KLHL7: variants seen among roughly 807,000 people sequenced by gnomAD.
The protein encoded by KLHL7 is kelch-like protein 7.
Under a neutral mutation model 67.4 loss-of-function variants are expected in KLHL7, and 44 were observed. The ratio of observed to expected loss-of-function variants is 0.65; its 90% CI spans 0.51 to 0.84. The LOEUF (loss-of-function observed/expected upper bound fraction) is 0.84, where lower values mean the gene tolerates loss of function less well. Among genes scored for constraint, KLHL7 ranks in the 40% least tolerant of loss-of-function variants. The pLI is 0.00. For synonymous variants in KLHL7, 252 were observed against 243.3 expected (o/e 1.04, Z -0.33); for missense variants, 362 against 718.1 (o/e 0.50, Z 5.67).
chr7:23,125,821 G>C (rs1331414563), intron 4 of KLHL7: 1 of 1,550,070 alleles, frequency 6.5e-7, no homozygotes, highest in African/African-American at 1.4e-5. Flanking sequence ...ACTGTGTGAT[G>C]ATCCTTAGTG....
intron 2 of KLHL7, among the ~76,000 whole-genome samples, chr7:23,124,410 CT>C (rs1371669029): frequency 6.7e-6 from 1 of 148,968 alleles, no homozygotes; most frequent in Non-Finnish European, 1.5e-5. Context: ...ATTTTATGAG[CT>C]TGGGAAAAAA....
chr7:23,142,392 G>C (rs1191988522), intron 5 of KLHL7, among the ~76,000 whole-genome samples: 2 of 152,098 alleles, frequency 1.3e-5, no homozygotes, highest in Non-Finnish European at 2.9e-5. Context: ...CTTTTGCCCA[G>C]TCTTCTTCGT....
Position 23,174,502 on chromosome 7 carries a change from CAT to C in KLHL7, c.*207_*208del, listed in dbSNP as rs1562596627. On this transcript the variant is annotated 3_prime_UTR_variant, in exon 11 of 11. Coordinates refer to ENST00000339077, the MANE Select transcript of KLHL7 (RefSeq NM_001031710.3). ...TTTTAGCTGGCCACAAAACCAAGAA[CAT>C]ATCTAGCAAGAAAACTTGAAAAAGT... is the stretch of plus-strand genomic sequence containing the variant. 1.4e-6 allele frequency: 1 copy of C among 690,580 alleles called. No individual in the cohort carries two copies. Among genetic ancestry groups the C allele is most frequent in the Admixed American group, 2.0e-5 (1 of 49,634 alleles). 42.8% of individuals were successfully genotyped at this position (690,580 alleles called of 1,614,324 possible).
chr7:23,170,226 C>T (rs1450983495), intron 9 of KLHL7, among the ~76,000 whole-genome samples: 1 of 151,896 alleles, frequency 6.6e-6, no homozygotes, highest in Non-Finnish European at 1.5e-5. Flanking sequence ...AAAACAAAAA[C>T]AAAAATAAAA....
At chr7:23,144,698 A>G (rs1784301653) in intron 6 of KLHL7, among the ~76,000 whole-genome samples, 1 of 152,126 alleles carries the variant, frequency 6.6e-6, no homozygotes, top group Non-Finnish European at 1.5e-5. Context: ...CTCTACCTTA[A>G]TTCTTTTTGT....
At position 23,146,935 on chromosome 7, in the gene KLHL7, ATTG is replaced by A. The variant is rs1420497739; in HGVS notation, c.793+2915_793+2917del. ...TACTTCATTCTAATACCTTTTAATT[ATTG>A]TTGTACTTCATTTAAATTGCCATGT... On this transcript the variant is annotated intron_variant, in intron 6 of 10. Transcript: ENST00000339077. Among the ~76,000 whole-genome samples, 12 of 152,058 alleles carry A rather than the reference ATTG, an allele frequency of 7.9e-5. No homozygotes were observed. In the East Asian group the frequency reaches 2.1e-3, roughly 27 times the overall value.
chr7:23,144,662 G>T (rs370367780), intron 6 of KLHL7, among the ~76,000 whole-genome samples: 2 of 152,020 alleles, frequency 1.3e-5, no homozygotes, highest in Admixed American at 6.6e-5. Context: ...CTGTTAGATC[G>T]GTTGTCTTCT....
At chr7:23,152,549 ATTTG>A (rs2128467007) in intron 7 of KLHL7, among the ~76,000 whole-genome samples, 1 of 152,252 alleles carries the variant, frequency 6.6e-6, no homozygotes. Context: ...TCTGGGCCAA[ATTTG>A]TTTGTTTTTT....
intron 7 of KLHL7, among the ~76,000 whole-genome samples, chr7:23,155,637 C>G (rs990449954): frequency 6.6e-6 from 1 of 150,580 alleles, no homozygotes; most frequent in Non-Finnish European, 1.5e-5. Flanking sequence ...GCACTCCAGC[C>G]TGGGCAACAA....
chr7:23,152,648 A>C (rs1335366869), intron 7 of KLHL7, among the ~76,000 whole-genome samples: 1 of 152,254 alleles, frequency 6.6e-6, no homozygotes, highest in African/African-American at 2.4e-5. Context: ...AAAAAAGATT[A>C]AATGACCTTT....
rs1784993160 is a variant in KLHL7 at position 23,165,956 on chromosome 7, A to G, written c.1177+18A>G. ...AGAAGTAGGTAAGGACTTCTTAAGT[A>G]TTTTGGTTTGGGGCATATGCTTTAA... On this transcript the variant is annotated intron_variant, in intron 8 of 10. Transcript: ENST00000339077. 1 of 1,613,404 alleles carries G rather than the reference A, an allele frequency of 6.2e-7. No homozygotes were observed. Among genetic ancestry groups the G allele is most frequent in the Admixed American group, 1.7e-5 (1 of 60,012 alleles).
At chr7:23,142,261 T>G (rs1286887555) in intron 5 of KLHL7, among the ~76,000 whole-genome samples, 1 of 152,178 alleles carries the variant, frequency 6.6e-6, no homozygotes, top group Admixed American at 6.5e-5. Flanking sequence ...CTCTATATTT[T>G]AAGCCACTAA....
intron 7 of KLHL7, among the ~76,000 whole-genome samples, chr7:23,164,470 T>G (rs964640381): frequency 2.6e-5 from 4 of 152,236 alleles, no homozygotes; most frequent in African/African-American, 9.6e-5. Flanking sequence ...ACAGTTTCTC[T>G]AAGAGAACAA....
intron 1 of KLHL7, among the ~76,000 whole-genome samples, chr7:23,117,012 G>T (rs565336134): frequency 1.4e-3 from 204 of 147,122 alleles, no homozygotes; most frequent in African/African-American, 4.8e-3. Context: ...TTCTTTAAGA[G>T]AAATCCTCTA....
chr7:23,131,498 G>A (rs1012869423), intron 4 of KLHL7, among the ~76,000 whole-genome samples: 1 of 151,860 alleles, frequency 6.6e-6, no homozygotes, highest in Non-Finnish European at 1.5e-5. Context: ...TTTTGTGTTT[G>A]CATGTTTATT....
chr7:23,110,939 A>G (rs1782844181), intron 1 of KLHL7, among the ~76,000 whole-genome samples: 1 of 152,092 alleles, frequency 6.6e-6, no homozygotes, highest in African/African-American at 2.4e-5. Context: ...CATTGAAATG[A>G]ATACTTATTG....
chr7:23,152,861 A>C (rs890921846), intron 7 of KLHL7, among the ~76,000 whole-genome samples: 1 of 152,220 alleles, frequency 6.6e-6, no homozygotes, highest in African/African-American at 2.4e-5. Context: ...TGGGAGAAAG[A>C]ATACCATATT....
At chr7:23,151,670 A>AGTC (rs942844680) in intron 6 of KLHL7, among the ~76,000 whole-genome samples, 3 of 152,216 alleles carry the variant, frequency 2.0e-5, no homozygotes, top group African/African-American at 7.2e-5. Context: ...TTATTTAATT[A>AGTC]GTCTGTGGTA....
In KLHL7 at chr7:23,125,714, A is replaced by C. The variant is rs1158321731; in HGVS notation, c.442+542A>C. ...TTAAGATACTAACTGAGGGACTGCT[A>C]TAGCCATTTTGAAGCTATTAATAAA... On this transcript the variant is annotated intron_variant, in intron 4 of 10. Transcript: ENST00000339077. 3 of 1,453,526 alleles carry C rather than the reference A, an allele frequency of 2.1e-6. No homozygotes were observed. In the African/African-American group the frequency reaches 4.3e-5, roughly 21 times the overall value. 90.0% of individuals were successfully genotyped at this position (1,453,526 alleles called of 1,614,324 possible).
Sources: gnomAD v4.1 joint callset for allele counts (sites outside exome capture counted in the v4.1 genomes callset) on GRCh38, gnomAD v4.1.1 for gene constraint, MANE v1.5 for transcripts, NCBI Gene and HGNC (gene_info 2026-07-23, HGNC 2026-07-21) for gene names.